The following MRAP2 variants were observed in gnomAD, a reference collection of about 807,000 sequenced individuals.
The protein encoded by MRAP2 is melanocortin 2 receptor accessory protein 2, also known as melanocortin-2 receptor accessory protein 2.
In MRAP2, 20 loss-of-function variants were observed where a neutral mutation model predicts 17.4. The ratio of observed to expected loss-of-function variants is 1.15; its 90% CI spans 0.81 to 1.67. The LOEUF is 1.67. Among genes scored for constraint, MRAP2 ranks in the 40% most tolerant of loss-of-function variants. The pLI, the probability that MRAP2 is intolerant of heterozygous loss-of-function variation, is 0.00. For synonymous variants in MRAP2, 96 were observed against 88.4 expected, an observed-to-expected ratio of 1.09 and a Z score of -0.48; for missense variants, 238 against 240.0, an observed-to-expected ratio of 0.99 and a Z score of 0.05.
the MRAP2 span, among the ~76,000 whole-genome samples, chr6:84,096,971 A>G: frequency 6.6e-6 from 1 of 152,210 alleles, no homozygotes; most frequent in Non-Finnish European, 1.5e-5. Context: ...ATTAGGCACT[A>G]AGCTACCCCT....
chr6:84,128,259 TA>T, the MRAP2 span, among the ~76,000 whole-genome samples: 1 of 152,188 alleles, frequency 6.6e-6, no homozygotes, highest in Non-Finnish European at 1.5e-5. Context: ...TGCACCTACC[TA>T]AAAGAACCTT....
At chr6:84,143,616 C>G in the MRAP2 span, among the ~76,000 whole-genome samples, 3 of 151,832 alleles carry the variant, frequency 2.0e-5, no homozygotes, top group African/African-American at 7.2e-5. Flanking sequence ...AATGTAGAAG[C>G]TTGCAGAAGG....
chr6:84,064,876 C>T (rs747291991), intron 3 of MRAP2, among the ~76,000 whole-genome samples: 9 of 152,192 alleles, frequency 5.9e-5, no homozygotes, highest in African/African-American at 9.7e-5. Context: ...TCACAGCCTC[C>T]GGCATCTGTT....
chr6:84,144,227 A>G, the MRAP2 span, among the ~76,000 whole-genome samples: 36,081 of 151,962 alleles, frequency 0.24, 9,802 homozygotes, highest in African/African-American at 0.67. Flanking sequence ...TAAATTGTAC[A>G]GGAATCATTG....
At chr6:84,035,239 G>T (rs1317084536) in intron 1 of MRAP2, 1 of 165,078 alleles carries the variant, frequency 6.1e-6, no homozygotes, top group Non-Finnish European at 1.2e-5. Context: ...TAGTGAAAGC[G>T]GTTACAGTCA....
chr6:84,131,661 G>A, the MRAP2 span, among the ~76,000 whole-genome samples: 8 of 140,648 alleles, frequency 5.7e-5, no homozygotes, highest in East Asian at 1.9e-4. Flanking sequence ...GATTGCAACC[G>A]CTGCTTTTTT....
chr6:84,068,808 T>TTTTTA (rs2099495457), intron 3 of MRAP2, among the ~76,000 whole-genome samples: 1 of 120,972 alleles, frequency 8.3e-6, no homozygotes, highest in African/African-American at 3.4e-5. Context: ...TTTTTTTTTT[T>TTTTTA]GAGACGCACA....
intron 1 of MRAP2, among the ~76,000 whole-genome samples, chr6:84,035,084 A>G (rs1335551037): frequency 6.6e-6 from 1 of 152,182 alleles, no homozygotes; most frequent in African/African-American, 2.4e-5. Flanking sequence ...AATAGATAAT[A>G]TTAACAGGTG....
chr6:84,090,608 T>A lies in MRAP2; in HGVS notation c.*1127T>A, dbSNP rs368440595. 6.6e-6 allele frequency: 1 copy of A among 152,318 alleles called. No homozygotes were observed. The highest frequency in any genetic ancestry group is 1.9e-4 in the East Asian group (1 of 5,176). 9.4% of individuals were successfully genotyped at this position (152,318 alleles called of 1,614,324 possible). On this transcript the variant is annotated 3_prime_UTR_variant, in exon 4 of 4. Coordinates refer to ENST00000257776, the MANE Select transcript of MRAP2 (RefSeq NM_138409.4). ...CCATGCTATTACCTTGGCAGATGTG[T>A]AGGTGATAGTCATCTGGCTTTGAGC...
intron 1 of MRAP2, among the ~76,000 whole-genome samples, chr6:84,043,285 C>A (rs2129159177): frequency 6.6e-6 from 1 of 152,212 alleles, no homozygotes; most frequent in East Asian, 1.9e-4. Flanking sequence ...AGTGAGAGGC[C>A]AAGTCTAGTC....
chr6:84,062,482 A>C (rs1588639109), intron 2 of MRAP2: 1 of 943,332 alleles, frequency 1.1e-6, no homozygotes, highest in African/African-American at 1.8e-5. Context: ...AATATCTGTT[A>C]AATTTAATTT....
chr6:84,132,930 G>A, the MRAP2 span, among the ~76,000 whole-genome samples: 1 of 152,050 alleles, frequency 6.6e-6, no homozygotes, highest in Admixed American at 6.5e-5. Context: ...GAGGAGAAGA[G>A]GCACTCTGAT....
chr6:84,060,369 G>T (rs1045379109), intron 2 of MRAP2, among the ~76,000 whole-genome samples: 1 of 152,120 alleles, frequency 6.6e-6, no homozygotes, highest in Non-Finnish European at 1.5e-5. Context: ...GCTGGGTTGA[G>T]GGCACGCTTT....
chr6:84,067,476 G>A (rs2099495042), intron 3 of MRAP2, among the ~76,000 whole-genome samples: 1 of 152,182 alleles, frequency 6.6e-6, no homozygotes. Context: ...CATAGTGGCT[G>A]TACTAGTTTA....
the MRAP2 span, among the ~76,000 whole-genome samples, chr6:84,098,988 T>A: frequency 6.6e-6 from 1 of 152,058 alleles, no homozygotes; most frequent in Non-Finnish European, 1.5e-5. Context: ...ATAGATATCA[T>A]GCTTTTAGTG....
At chr6:84,139,187 T>C in the MRAP2 span, among the ~76,000 whole-genome samples, 3 of 152,218 alleles carry the variant, frequency 2.0e-5, no homozygotes, top group East Asian at 1.9e-4. Flanking sequence ...AAGAGGGCTC[T>C]AGATGCTTAT....
chr6:84,050,924 T>C (rs2099490257), intron 1 of MRAP2, among the ~76,000 whole-genome samples: 1 of 152,196 alleles, frequency 6.6e-6, no homozygotes, highest in South Asian at 2.1e-4. Flanking sequence ...GCTGGCAGTT[T>C]CTTGGAATGC....
At chr6:84,127,003 C>T in the MRAP2 span, among the ~76,000 whole-genome samples, 11 of 151,972 alleles carry the variant, frequency 7.2e-5, no homozygotes, top group African/African-American at 2.4e-4. Context: ...TAGTTCATTC[C>T]ACAAATAAAT....
At chr6:84,046,871 C>G (rs2099489186) in intron 1 of MRAP2, among the ~76,000 whole-genome samples, 1 of 150,600 alleles carries the variant, frequency 6.6e-6, no homozygotes, top group Non-Finnish European at 1.5e-5. Flanking sequence ...CATGAGCTGG[C>G]AAAGCACACA....
Sources: allele counts gnomAD v4.1 joint callset (sites outside exome capture counted in the v4.1 genomes callset), GRCh38; gene constraint gnomAD v4.1.1; transcripts MANE v1.5; gene names NCBI Gene and HGNC (gene_info 2026-07-23, HGNC 2026-07-21).